The following PCDHA5 variants were observed in gnomAD, a reference collection of about 807,000 sequenced individuals.
PCDHA5 encodes protocadherin alpha-5.
In PCDHA5, 43 loss-of-function variants were observed where a neutral mutation model predicts 61.6. That is an observed-to-expected ratio of 0.70 (90% CI 0.55 to 0.90). PCDHA5 has a LOEUF of 0.90. Ranked by LOEUF, PCDHA5 falls within the 40% of genes least tolerant of loss-of-function variation. The pLI, the probability that PCDHA5 is intolerant of heterozygous loss-of-function variation, is 0.00. For missense variants in PCDHA5, 1,298 were observed against 1,222.7 expected (o/e 1.06, Z -0.92); for synonymous variants, 627 against 543.9 (o/e 1.15, Z -2.13).
At chr5:140,868,592 C>T (rs1294333400) in intron 1 of PCDHA5, 1 of 152,974 alleles carries the variant, frequency 6.5e-6, no homozygotes, top group Non-Finnish European at 1.5e-5. Context: ...ATGTTTAACC[C>T]TAGTTTTTCA....
chr5:140,977,314 C>CTCCTGATG (rs1482871612), intron 1 of PCDHA5, among the ~76,000 whole-genome samples: 1 of 152,152 alleles, frequency 6.6e-6, no homozygotes, highest in African/African-American at 2.4e-5. Context: ...AACGATAGTG[C>CTCCTGATG]TCCTGATGGC....
At chr5:140,984,576 C>G (rs1309554018) in intron 3 of PCDHA5, among the ~76,000 whole-genome samples, 1 of 152,104 alleles carries the variant, frequency 6.6e-6, no homozygotes, top group African/African-American at 2.4e-5. Context: ...CCATGGCAAC[C>G]TAATCATACT....
intron 1 of PCDHA5, among the ~76,000 whole-genome samples, chr5:140,915,767 C>T (rs1554197085): frequency 6.6e-6 from 1 of 151,976 alleles, no homozygotes; most frequent in Non-Finnish European, 1.5e-5. Context: ...TGGGTCTTGT[C>T]CAAGGCCTGC....
rs2150220427 is a variant in PCDHA5 at position 140,834,530 on chromosome 5, G to T, written c.2352+10403G>T. 6.8e-6 allele frequency: 11 copies of T among 1,614,068 alleles called. No individual in the cohort carries two copies. In the South Asian group the frequency reaches 1.1e-4, roughly 16 times the overall value. ...ATGGCAACTTCGTGGGCCGCATCGC[G>T]CAGGACCTGGGGCTGGAGCTGGCGG... is the stretch of plus-strand genomic sequence containing the variant. On this transcript the variant is annotated intron_variant, in intron 1 of 3. Coordinates refer to ENST00000529859, the MANE Select transcript of PCDHA5 (RefSeq NM_018908.3).
intron 1 of PCDHA5, chr5:140,928,542 C>A: frequency 6.2e-7 from 1 of 1,614,158 alleles, no homozygotes; most frequent in Non-Finnish European, 8.5e-7. Flanking sequence ...ATAGGAATGA[C>A]AATTATCCGG....
At position 141,011,460 on chromosome 5, in the gene PCDHA5, T is replaced by G. The variant is rs1285322141; in HGVS notation, c.*1523T>G. 6.5e-6 allele frequency: 1 copy of G among 153,832 alleles called. No homozygotes were observed. The highest frequency in any genetic ancestry group is 2.4e-5 in the African/African-American group (1 of 41,470). 9.5% of individuals were successfully genotyped at this position (153,832 alleles called of 1,614,324 possible). On this transcript the variant is annotated 3_prime_UTR_variant, in exon 4 of 4. Coordinates refer to ENST00000529859, the MANE Select transcript of PCDHA5 (RefSeq NM_018908.3). The stretch of plus-strand genomic sequence containing the variant: ...TAGAGTGAACTTTAAGCTTTATTGT[T>G]GAATGTAATTCCATTATATTTCCTT...
rs2150347261 is a variant in PCDHA5, at chr5:140,842,884, G to A, written c.2352+18757G>A. ...AGAGCGGCAAGGTGTACGCGCTGCA[G>A]CCGCTGGACCACGAGGAGCTAGAGC... On this transcript the variant is annotated intron_variant, in intron 1 of 3. Transcript: ENST00000529859. 17 of 1,594,074 alleles carry A rather than the reference G, an allele frequency of 1.1e-5. 3 individuals are homozygous for A. The African/African-American group carries it at 1.8e-4, about 16-fold the overall frequency.
At position 140,828,523 on chromosome 5, in the gene PCDHA5, A is replaced by G. The variant is rs2150156378; in HGVS notation, c.2352+4396A>G. 443 of 1,614,170 alleles carry G rather than the reference A, an allele frequency of 2.7e-4. 1 individual carries two copies. In the African/African-American group the frequency reaches 5.2e-3, roughly 19 times the overall value. ...AGGAACAAAGAGTGCTGATTTACGA[A>G]TCTAGGCTGCCAGATTCTGTGTTTC... On this transcript the variant is annotated intron_variant, in intron 1 of 3. Transcript: ENST00000529859.
chr5:140,836,592 C>T (rs1554136107), intron 1 of PCDHA5: 4 of 1,613,726 alleles, frequency 2.5e-6, no homozygotes, highest in Non-Finnish European at 3.4e-6. Flanking sequence ...TTTGGTAAAG[C>T]CCACTCTGGT....
chr5:140,895,253 C>CT (rs1411327383), intron 1 of PCDHA5, among the ~76,000 whole-genome samples: 1 of 151,966 alleles, frequency 6.6e-6, no homozygotes. Context: ...TCAAAGCTTT[C>CT]TTTTTTTTCT....
chr5:140,855,718 G>T (rs1468611504), intron 1 of PCDHA5, among the ~76,000 whole-genome samples: 1 of 149,568 alleles, frequency 6.7e-6, no homozygotes, highest in Non-Finnish European at 1.5e-5. Flanking sequence ...AACATTTATT[G>T]TTATTAACTA....
chr5:140,927,516 C>G (rs782661477), intron 1 of PCDHA5: 22 of 1,614,066 alleles, frequency 1.4e-5, no homozygotes, highest in Non-Finnish European at 1.8e-5. Flanking sequence ...CTCGGGACGG[C>G]GGGCTACCTG....
intron 1 of PCDHA5, chr5:140,857,011 T>C (rs2044320012): frequency 1.3e-6 from 2 of 1,596,036 alleles, no homozygotes; most frequent in Admixed American, 1.7e-5. Flanking sequence ...ATGTAGATGT[T>C]ACAGATAAGG....
At chr5:140,858,313 G>C (rs781800844) in intron 1 of PCDHA5, 2 of 1,597,108 alleles carry the variant, frequency 1.3e-6, no homozygotes, top group East Asian at 4.5e-5. Context: ...GGCGGCAGAG[G>C]GTGTGTTCTG....
At chr5:140,839,346 C>T (rs1354845524) in intron 1 of PCDHA5, among the ~76,000 whole-genome samples, 1 of 149,510 alleles carries the variant, frequency 6.7e-6, no homozygotes, top group African/African-American at 2.5e-5. Flanking sequence ...ATAGGGGATC[C>T]TCCTTAGCCA....
chr5:140,961,155 G>C (rs1214072320), intron 1 of PCDHA5, among the ~76,000 whole-genome samples: 3 of 152,126 alleles, frequency 2.0e-5, no homozygotes, highest in Non-Finnish European at 4.4e-5. Context: ...TATTATTTCA[G>C]TACATATCTA....
At chr5:140,856,842 C>T (rs782696740) in intron 1 of PCDHA5, 1 of 1,592,718 alleles carries the variant, frequency 6.3e-7, no homozygotes, top group South Asian at 1.1e-5. Context: ...CGGCTCAACG[C>T]TTCTGATTCG....
intron 1 of PCDHA5, chr5:140,859,465 T>A: frequency 4.7e-6 from 1 of 214,084 alleles, no homozygotes; most frequent in Non-Finnish European, 9.1e-6. Flanking sequence ...AAAACTACAC[T>A]ATCAATTGTG....
At chr5:141,009,577 C>T in intron 3 of PCDHA5, 50 bp from the exon 4 acceptor site, 1 of 1,584,324 alleles carries the variant, frequency 6.3e-7, no homozygotes, top group South Asian at 1.2e-5. Flanking sequence ...AGTGTGGCAT[C>T]AAGAGCATGT....
Sources: gnomAD v4.1 joint callset for allele counts (sites outside exome capture counted in the v4.1 genomes callset) on GRCh38, gnomAD v4.1.1 for gene constraint, MANE v1.5 for transcripts, NCBI Gene and HGNC (gene_info 2026-07-23, HGNC 2026-07-21) for gene names.